ATF7: variants seen among roughly 807,000 people sequenced by gnomAD.
The protein encoded by ATF7 is activating transcription factor 7.
ATF7 carries 10 observed loss-of-function variants against 50.4 expected under a neutral mutation model. The observed-to-expected ratio is 0.20, with a 90% confidence interval of 0.12 to 0.34. The LOEUF is 0.34. Ranked by LOEUF, ATF7 falls within the 10% of genes least tolerant of loss-of-function variation. ATF7 has a pLI of 1.00. For synonymous variants in ATF7, 201 were observed against 226.4 expected (o/e 0.89, Z 1.01); for missense variants, 465 against 613.9 (o/e 0.76, Z 2.56).
At chr12:53,541,372 T>A (rs555744507) in intron 4 of ATF7, among the ~76,000 whole-genome samples, 1 of 152,276 alleles carries the variant, frequency 6.6e-6, no homozygotes, top group South Asian at 2.1e-4. Context: ...CTTTTATGAT[T>A]CCAGAAAATC....
chr12:53,612,885 T>A (rs1943956394), intron 1 of ATF7, among the ~76,000 whole-genome samples: 1 of 152,048 alleles, frequency 6.6e-6, no homozygotes, highest in Non-Finnish European at 1.5e-5. Context: ...GCACCTGTAG[T>A]CCCTGCTACT....
intron 2 of ATF7, 125 bp from the exon 3 acceptor site, chr12:53,552,762 G>C (rs953107806): frequency 4.2e-5 from 30 of 720,524 alleles, no homozygotes; most frequent in Non-Finnish European, 2.4e-6. Flanking sequence ...ACTGGAGAGG[G>C]AGAAAAAACT....
At chr12:53,569,719 G>T in intron 2 of ATF7, among the ~76,000 whole-genome samples, 1 of 151,170 alleles carries the variant, frequency 6.6e-6, no homozygotes. Flanking sequence ...CTGTCGCCCA[G>T]GCTGGAGTGC....
chr12:53,552,564 C>T lies in ATF7; in HGVS notation c.122G>A (p.Arg41Gln), dbSNP rs1463954473. The T allele has an allele frequency of 6.2e-7, 1 of 1,613,812 alleles. No individual in the cohort carries two copies. Among genetic ancestry groups the T allele is most frequent in the South Asian group, 1.1e-5 (1 of 91,074 alleles). The change falls in exon 3 of 12, where the codon CGA becomes CAA. Residue 41 changes from arginine to glutamine, a missense_variant. Transcript: ENST00000420353. ...ACCTGCAATGATGACTGAGTCAGTT[C>T]GGGCTGGGCCAAATTTCAATGTCAT... The part of the protein sequence containing the change: ...HEMTLKFGPA[R>Q]TDSVIIADQT...
intron 3 of ATF7, among the ~76,000 whole-genome samples, chr12:53,548,932 C>T (rs1940126708): frequency 6.6e-6 from 1 of 152,120 alleles, no homozygotes; most frequent in African/African-American, 2.4e-5. Context: ...CTGCAGTGAG[C>T]TGTGATTGTG....
Position 53,517,094 on chromosome 12 carries a change from G to A in ATF7, c.*43C>T. On this transcript the variant is annotated 3_prime_UTR_variant, in exon 12 of 12. Coordinates refer to ENST00000420353, the MANE Select transcript of ATF7 (RefSeq NM_006856.3). Reference sequence around the variant, plus strand: ...AAGATGACATCTCTCTTGGCTCTTGGGCGGGCGAGCTCTGGCTGAGGACCT... The same window carrying A: ...AAGATGACATCTCTCTTGGCTCTTGAGCGGGCGAGCTCTGGCTGAGGACCT... 1.3e-6 allele frequency: 2 copies of A among 1,592,934 alleles called. No individual in the cohort carries two copies. Among genetic ancestry groups the A allele is most frequent in the Non-Finnish European group, 1.7e-6 (2 of 1,171,230 alleles).
At chr12:53,536,076 T>G (rs1939202962) in intron 5 of ATF7, among the ~76,000 whole-genome samples, 4 of 152,130 alleles carry the variant, frequency 2.6e-5, no homozygotes, top group African/African-American at 9.7e-5. Context: ...ACAGACCATT[T>G]CCAGCACCCC....
intron 3 of ATF7, among the ~76,000 whole-genome samples, chr12:53,548,586 G>C (rs1034153118): frequency 1.2e-4 from 18 of 152,254 alleles, no homozygotes; most frequent in African/African-American, 4.1e-4. Context: ...TCCTACCTCG[G>C]CCTCTCAAAG....
intron 11 of ATF7, among the ~76,000 whole-genome samples, chr12:53,519,053 CAAA>C (rs773430662): frequency 1.2e-4 from 9 of 73,416 alleles, no homozygotes; most frequent in Non-Finnish European, 9.2e-5. Flanking sequence ...GACTCCGTCT[CAAA>C]AAAAAAAAAA....
intron 2 of ATF7, among the ~76,000 whole-genome samples, chr12:53,597,616 T>C (rs976111744): frequency 2.0e-5 from 3 of 152,122 alleles, no homozygotes; most frequent in African/African-American, 7.2e-5. Context: ...GAGACCATCC[T>C]GGCTAACACG....
chr12:53,526,697 A>C (rs1212025581), intron 9 of ATF7, among the ~76,000 whole-genome samples: 5 of 151,302 alleles, frequency 3.3e-5, no homozygotes, highest in South Asian at 2.1e-4. Flanking sequence ...CTAAAAATAC[A>C]AAAATTAGCC....
chr12:53,536,433 C>T (rs760516256), intron 5 of ATF7, among the ~76,000 whole-genome samples: 6 of 151,888 alleles, frequency 4.0e-5, no homozygotes, highest in Non-Finnish European at 8.8e-5. Context: ...CACACCACCA[C>T]ATCCAGCTAA....
intron 1 of ATF7, among the ~76,000 whole-genome samples, chr12:53,601,876 T>C (rs1190077325): frequency 6.6e-6 from 1 of 152,206 alleles, no homozygotes. Context: ...CCCTTCTATT[T>C]CTCTGAAGAC....
chr12:53,606,213 C>T (rs1344631253), intron 1 of ATF7, among the ~76,000 whole-genome samples: 1 of 151,514 alleles, frequency 6.6e-6, no homozygotes, highest in Non-Finnish European at 1.5e-5. Flanking sequence ...TATTCAAGTA[C>T]AAGAGAATGC....
chr12:53,534,594 C>G lies in ATF7; in HGVS notation c.468G>C (p.Leu156=). ...GTGGATCATAGCCCAAGTGGAGAGG[C>G]AGGGAGCCAGGACGTACAATGGTGG... ...PTPTIVRPGS[L]PLHLGYDPLH... Residue 156 remains leucine (L), a synonymous_variant, in exon 6 of 12, where the codon CTG becomes CTC. Coordinates refer to ENST00000420353, the MANE Select transcript of ATF7 (RefSeq NM_006856.3). 1 of 1,613,510 alleles carries G rather than the reference C, an allele frequency of 6.2e-7. No homozygotes were observed. Among genetic ancestry groups the G allele is most frequent in the African/African-American group, 1.3e-5 (1 of 74,930 alleles).
intron 2 of ATF7, among the ~76,000 whole-genome samples, chr12:53,573,221 T>C (rs1265436719): frequency 6.6e-6 from 1 of 152,198 alleles, no homozygotes; most frequent in African/African-American, 2.4e-5. Flanking sequence ...CTGTGCTGAA[T>C]TTATAAATTA....
At chr12:53,548,670 T>A (rs1292474572) in intron 3 of ATF7, among the ~76,000 whole-genome samples, 1 of 152,092 alleles carries the variant, frequency 6.6e-6, no homozygotes, top group Non-Finnish European at 1.5e-5. Context: ...AACTAATATA[T>A]GTAGAAAGCA....
At chr12:53,534,373 T>C in intron 6 of ATF7, 129 bp downstream of exon 6, 1 of 1,378,328 alleles carries the variant, frequency 7.3e-7, no homozygotes. Context: ...GGGAAAAATT[T>C]ATTTTGAGAG....
intron 1 of ATF7, among the ~76,000 whole-genome samples, chr12:53,624,853 C>T (rs1383762721): frequency 1.3e-5 from 2 of 152,212 alleles, no homozygotes; most frequent in African/African-American, 4.8e-5. Flanking sequence ...ACCACCCATT[C>T]GACAACTCTT....
Sources: allele counts gnomAD v4.1 joint callset (sites outside exome capture counted in the v4.1 genomes callset), GRCh38; gene constraint gnomAD v4.1.1; transcripts MANE v1.5; gene names NCBI Gene and HGNC (gene_info 2026-07-23, HGNC 2026-07-21).